The following DCC variants were observed in gnomAD, a reference collection of about 807,000 sequenced individuals.
DCC encodes the protein DCC netrin 1 receptor.
A neutral mutation model predicts 172.5 loss-of-function variants in DCC; 58 were observed. The observed-to-expected ratio is 0.34, with a 90% CI of 0.27 to 0.42. The LOEUF is 0.42. Among genes scored for constraint, DCC ranks in the 10% least tolerant of loss-of-function variants. The pLI, the probability that DCC is intolerant of heterozygous loss-of-function variation, is 1.00. For missense variants in DCC, 1,740 were observed against 1,791.0 expected, an observed-to-expected ratio of 0.97 and a Z score of 0.51; for synonymous variants, 709 against 644.5, an observed-to-expected ratio of 1.10 and a Z score of -1.52.
intron 7 of DCC, among the ~76,000 whole-genome samples, chr18:53,131,832 G>A (rs1254007271): frequency 6.6e-6 from 1 of 151,912 alleles, no homozygotes; most frequent in African/African-American, 2.4e-5. Context: ...AATTGAGTCA[G>A]CACAGCAAAG....
chr18:53,473,736 C>T (rs180892923), intron 25 of DCC, among the ~76,000 whole-genome samples: 5 of 152,260 alleles, frequency 3.3e-5, no homozygotes, highest in Admixed American at 1.3e-4. Context: ...AGAACCTCTA[C>T]GGTATACTGC....
intron 1 of DCC, among the ~76,000 whole-genome samples, chr18:52,348,222 T>C (rs946868562): frequency 4.6e-5 from 7 of 152,194 alleles, no homozygotes; most frequent in African/African-American, 1.7e-4. Context: ...GTTTATCTAA[T>C]CTATTGTTGA....
At chr18:53,027,783 G>A (rs1277685859) in intron 5 of DCC, among the ~76,000 whole-genome samples, 1 of 151,496 alleles carries the variant, frequency 6.6e-6, no homozygotes, top group Non-Finnish European at 1.5e-5. Context: ...ACTGATGTTA[G>A]CAATAACTTG....
rs1410375887 is a variant in DCC, at chr18:52,612,526, T to TC, written c.92-139527dup. 4.6e-5 allele frequency among the ~76,000 whole-genome samples: 7 copies of TC among 151,908 alleles called. No individual in the cohort carries two copies. The East Asian group carries it at 1.4e-3, about 30-fold the overall frequency. ...AAACCCTTCACTAAAGTTTCATGGC[T>TC]CTTAGGATGGAGTGTAAATTCTTCA... is the stretch of plus-strand genomic sequence containing the variant. On this transcript the variant is annotated intron_variant, in intron 1 of 28. Transcript: ENST00000442544.
intron 1 of DCC, among the ~76,000 whole-genome samples, chr18:52,412,708 A>G (rs759537140): frequency 2.6e-5 from 4 of 152,120 alleles, no homozygotes; most frequent in Non-Finnish European, 4.4e-5. Context: ...TAAATTTAGA[A>G]CTTTCTCATT....
chr18:53,495,275 C>G (rs556327653), intron 26 of DCC, among the ~76,000 whole-genome samples: 42 of 151,686 alleles, frequency 2.8e-4, no homozygotes, highest in African/African-American at 9.7e-4. Context: ...ACCTGTAATC[C>G]CAGCTACTCA....
At chr18:52,892,711 T>C (rs1487969253) in intron 2 of DCC, among the ~76,000 whole-genome samples, 1 of 152,172 alleles carries the variant, frequency 6.6e-6, no homozygotes, top group East Asian at 1.9e-4. Context: ...AAAAATTTGG[T>C]AATTCTTAAA....
intron 3 of DCC, among the ~76,000 whole-genome samples, chr18:52,912,958 T>C (rs1397728112): frequency 6.6e-6 from 1 of 152,076 alleles, no homozygotes; most frequent in Non-Finnish European, 1.5e-5. Context: ...AATATGAGAT[T>C]GTTCTATTTT....
intron 7 of DCC, among the ~76,000 whole-genome samples, chr18:53,094,427 T>G (rs2043055866): frequency 6.6e-6 from 1 of 152,232 alleles, no homozygotes; most frequent in Non-Finnish European, 1.5e-5. Context: ...TCTGTCACTT[T>G]TAGCCCAATT....
intron 15 of DCC, among the ~76,000 whole-genome samples, chr18:53,352,971 C>T (rs1207021559): frequency 6.6e-6 from 1 of 151,970 alleles, no homozygotes; most frequent in Non-Finnish European, 1.5e-5. Flanking sequence ...CATTATTGAC[C>T]TTAAGTAAAT....
At chr18:52,378,489 A>G (rs1426150934) in intron 1 of DCC, among the ~76,000 whole-genome samples, 2 of 152,162 alleles carry the variant, frequency 1.3e-5, no homozygotes, top group Admixed American at 6.5e-5. Context: ...AGGGAGTATA[A>G]TCTTGTTTGT....
At chr18:52,690,070 T>C (rs776081288) in intron 1 of DCC, among the ~76,000 whole-genome samples, 24 of 152,150 alleles carry the variant, frequency 1.6e-4, no homozygotes, top group Non-Finnish European at 2.8e-4. Flanking sequence ...AGCCTTCAAA[T>C]GACTGTAGCC....
At chr18:53,422,242 A>C (rs1043608630) in intron 21 of DCC, among the ~76,000 whole-genome samples, 1 of 152,148 alleles carries the variant, frequency 6.6e-6, no homozygotes, top group Non-Finnish European at 1.5e-5. Context: ...CTTACTTTCA[A>C]AACAACTTGC....
chr18:53,432,814 G>C (rs1391263705), intron 21 of DCC, among the ~76,000 whole-genome samples: 1 of 151,912 alleles, frequency 6.6e-6, no homozygotes, highest in Admixed American at 6.6e-5. Context: ...ACATATTTCA[G>C]AGAATGGAAA....
At chr18:53,315,114 G>A (rs1480445648) in intron 13 of DCC, among the ~76,000 whole-genome samples, 1 of 152,012 alleles carries the variant, frequency 6.6e-6, no homozygotes, top group Non-Finnish European at 1.5e-5. Flanking sequence ...CCCTCCCCTA[G>A]CCCCCCACTC....
At chr18:53,356,780 G>A (rs905513217) in intron 15 of DCC, among the ~76,000 whole-genome samples, 2 of 152,118 alleles carry the variant, frequency 1.3e-5, no homozygotes, top group Admixed American at 6.6e-5. Context: ...GTTCTCTGTG[G>A]TATTCTTCCC....
At chr18:52,792,955 G>T (rs997745884) in intron 2 of DCC, among the ~76,000 whole-genome samples, 6 of 151,928 alleles carry the variant, frequency 3.9e-5, no homozygotes, top group Non-Finnish European at 8.8e-5. Flanking sequence ...CTTTTAGAAA[G>T]AAGTCAGGAC....
intron 1 of DCC, among the ~76,000 whole-genome samples, chr18:52,350,773 A>C (rs1984084853): frequency 1.3e-5 from 2 of 152,178 alleles, no homozygotes; most frequent in Admixed American, 1.3e-4. Context: ...AAGGGAGTTT[A>C]AAGAGTTGTC....
intron 2 of DCC, among the ~76,000 whole-genome samples, chr18:52,862,181 C>A (rs563609074): frequency 5.9e-5 from 9 of 152,104 alleles, no homozygotes; most frequent in African/African-American, 2.2e-4. Context: ...CCAGATAAAC[C>A]TCGTATGTTC....
Sources: gnomAD v4.1 joint callset for allele counts (sites outside exome capture counted in the v4.1 genomes callset) on GRCh38, gnomAD v4.1.1 for gene constraint, MANE v1.5 for transcripts, NCBI Gene and HGNC (gene_info 2026-07-23, HGNC 2026-07-21) for gene names.